KLRG2: variants seen among roughly 807,000 people sequenced by gnomAD.
KLRG2 encodes killer cell lectin-like receptor subfamily G member 2.
KLRG2 carries 39 observed loss-of-function variants against 35.4 expected under a neutral mutation model. That is an observed-to-expected ratio of 1.10 (90% CI 0.85 to 1.44). KLRG2 has a LOEUF of 1.44. Among genes scored for constraint, KLRG2 ranks in the 40% most tolerant of loss-of-function variants. The pLI is 0.00. For missense variants in KLRG2, 632 were observed against 570.9 expected (o/e 1.11, Z -1.09); for synonymous variants, 283 against 265.8 (o/e 1.06, Z -0.63).
chr7:139,445,781 G>GTGTATATATATATATATATGTA, the KLRG2 span, among the ~76,000 whole-genome samples: 22 of 98,472 alleles, frequency 2.2e-4, 2 homozygotes, highest in African/African-American at 1.5e-3. Context: ...ATATATATAT[G>GTGTATATATATATATATATGTA]TATATATATA....
Position 139,462,534 on chromosome 7 carries a change from T to C in KLRG2, c.1006-8320A>G, listed in dbSNP as rs542246790. ...TTCCACCCTCCATTCCTCCTTCTTCTCCTTTAGCCTGTGTTCTCAAGAACT... is the reference window on the plus strand; with the variant it reads ...TTCCACCCTCCATTCCTCCTTCTTCCCCTTTAGCCTGTGTTCTCAAGAACT... On this transcript the variant is annotated intron_variant, in intron 3 of 4. Transcript: ENST00000340940. Among the ~76,000 whole-genome samples, 5 of 152,246 alleles carry C rather than the reference T, an allele frequency of 3.3e-5. No individual in the cohort carries two copies. The East Asian group carries it at 9.7e-4, about 29-fold the overall frequency.
At chr7:139,434,424 G>T in the KLRG2 span, among the ~76,000 whole-genome samples, 1 of 152,070 alleles carries the variant, frequency 6.6e-6, no homozygotes, top group African/African-American at 2.4e-5. Context: ...TCCTTCCTTG[G>T]CTGGGAGCAT....
rs764192944 is a variant in KLRG2, at chr7:139,465,116, CA to C, written c.1006-10903del. ...ACCAGGCCTAACTGCCACTCACCAG[CA>C]AAGGCAGGCTATGCTATAGTATCTT... On this transcript the variant is annotated intron_variant, in intron 3 of 4. Transcript: ENST00000340940. Among the ~76,000 whole-genome samples, 3 of 152,196 alleles carry C rather than the reference CA, an allele frequency of 2.0e-5. No individual in the cohort carries two copies. In the East Asian group the frequency reaches 5.8e-4, roughly 29 times the overall value.
At chr7:139,482,864 G>A (rs759265709) in intron 1 of KLRG2, 22 bp downstream of exon 1, 11 of 1,380,892 alleles carry the variant, frequency 8.0e-6, no homozygotes, top group Non-Finnish European at 1.0e-5. Flanking sequence ...GGCGTCGGCT[G>A]CCGGCGCAGG....
chr7:139,460,655 C>T (rs1233473654), intron 3 of KLRG2, among the ~76,000 whole-genome samples: 1 of 150,876 alleles, frequency 6.6e-6, no homozygotes, highest in African/African-American at 2.4e-5. Context: ...AGAGCAAGAC[C>T]CTGTCTAAAA....
At chr7:139,454,241 TC>T in intron 3 of KLRG2, 27 bp from the exon 4 acceptor site, 1 of 1,132,968 alleles carries the variant, frequency 8.8e-7, no homozygotes, top group Non-Finnish European at 1.3e-6. Context: ...AGCTGGTCAC[TC>T]CCCTGGACAC....
chr7:139,442,000 C>A, the KLRG2 span, among the ~76,000 whole-genome samples: 1 of 152,140 alleles, frequency 6.6e-6, no homozygotes, highest in East Asian at 1.9e-4. Flanking sequence ...AAACCCTCAG[C>A]CATGAAAGTA....
intron 3 of KLRG2, among the ~76,000 whole-genome samples, chr7:139,469,904 C>G (rs938892294): frequency 6.6e-6 from 1 of 152,122 alleles, no homozygotes; most frequent in Non-Finnish European, 1.5e-5. Context: ...CACTGTGGGG[C>G]GTAAGGAGTA....
intron 3 of KLRG2, among the ~76,000 whole-genome samples, chr7:139,473,908 T>C (rs1170835564): frequency 6.6e-6 from 1 of 151,994 alleles, no homozygotes; most frequent in African/African-American, 2.4e-5. Context: ...CCACAGGGCA[T>C]ATTATTAAAT....
chr7:139,474,310 G>A (rs1796811793), intron 3 of KLRG2, among the ~76,000 whole-genome samples: 1 of 152,138 alleles, frequency 6.6e-6, no homozygotes, highest in African/African-American at 2.4e-5. Context: ...ACAGGCATGA[G>A]CCACTGTGCC....
At chr7:139,468,993 G>A (rs1796713448) in intron 3 of KLRG2, among the ~76,000 whole-genome samples, 2 of 152,132 alleles carry the variant, frequency 1.3e-5, no homozygotes, top group Non-Finnish European at 2.9e-5. Context: ...ACAGGGAGAA[G>A]GGCCACTACC....
intron 3 of KLRG2, among the ~76,000 whole-genome samples, chr7:139,459,834 C>T (rs1212773235): frequency 3.3e-5 from 5 of 152,030 alleles, no homozygotes; most frequent in Non-Finnish European, 5.9e-5. Context: ...TCACTGCAAC[C>T]TCCGCCTCCC....
At chr7:139,465,112 C>T (rs543329724) in intron 3 of KLRG2, among the ~76,000 whole-genome samples, 1 of 152,326 alleles carries the variant, frequency 6.6e-6, no homozygotes, top group African/African-American at 2.4e-5. Flanking sequence ...CTGCCACTCA[C>T]CAGCAAAGGC....
chr7:139,474,115 C>T (rs1244500441), intron 3 of KLRG2, among the ~76,000 whole-genome samples: 3 of 150,206 alleles, frequency 2.0e-5, no homozygotes, highest in African/African-American at 7.4e-5. Context: ...CTCCTGGGTT[C>T]AAGCAATTCT....
intron 3 of KLRG2, 58 bp from the exon 4 acceptor site, chr7:139,454,272 C>A: frequency 1.2e-6 from 1 of 827,290 alleles, no homozygotes; most frequent in South Asian, 1.5e-5. Context: ...TTGCCTGGGG[C>A]GTACGGATTC....
intron 3 of KLRG2, among the ~76,000 whole-genome samples, chr7:139,459,606 T>A (rs1796535279): frequency 6.6e-6 from 1 of 152,194 alleles, no homozygotes; most frequent in Admixed American, 6.5e-5. Flanking sequence ...CAGAAACTGA[T>A]CCCTACTGAG....
the KLRG2 span, among the ~76,000 whole-genome samples, chr7:139,442,112 G>A: frequency 6.6e-5 from 10 of 152,296 alleles, no homozygotes; most frequent in African/African-American, 1.9e-4. Context: ...TCAGTGACAC[G>A]CCAGGGAGCA....
At chr7:139,482,364 G>A (rs913189360) in intron 1 of KLRG2, among the ~76,000 whole-genome samples, 3 of 152,100 alleles carry the variant, frequency 2.0e-5, no homozygotes, top group East Asian at 1.9e-4. Flanking sequence ...TCGGGAGTGC[G>A]GGTAGGGGAG....
rs1797003260 is a variant in KLRG2, at chr7:139,483,312, C to G, written c.331G>C (p.Gly111Arg). Residue 111 changes from glycine (G) to arginine (R), a missense_variant, in exon 1 of 5, where the codon GGG becomes CGG. By Grantham distance (125) the Gly-to-Arg change is moderately radical. Coordinates refer to ENST00000340940, the MANE Select transcript of KLRG2 (RefSeq NM_198508.4). The part of the protein sequence containing the change: ...VKLPRNGEAP[G>R]AEPAPSAWAP... ...CAGGCGCTGGGCGCAGGCTCAGCCCCGGGCGCCTCGCCATTCCGGGGCAGC... is the reference window on the plus strand; with the variant it reads ...CAGGCGCTGGGCGCAGGCTCAGCCCGGGGCGCCTCGCCATTCCGGGGCAGC... The G allele has an allele frequency of 8.4e-6, 13 of 1,551,198 alleles. No homozygotes were observed. The South Asian group carries it at 1.4e-4, about 17-fold the overall frequency.
Sources: gnomAD v4.1 joint callset for allele counts (sites outside exome capture counted in the v4.1 genomes callset) on GRCh38, gnomAD v4.1.1 for gene constraint, MANE v1.5 for transcripts, NCBI Gene and HGNC (gene_info 2026-07-23, HGNC 2026-07-21) for gene names.